The following FAF1 variants were observed in gnomAD, a reference collection of about 807,000 sequenced individuals.
FAF1 encodes the protein FAS-associated factor 1.
A neutral mutation model predicts 92.5 loss-of-function variants in FAF1; 25 were observed. The observed-to-expected ratio is 0.27, with a 90% CI of 0.20 to 0.38. FAF1 has a LOEUF of 0.38. Among genes scored for constraint, FAF1 ranks in the 10% least tolerant of loss-of-function variants. The pLI, the probability that FAF1 is intolerant of heterozygous loss-of-function variation, is 1.00. For synonymous variants in FAF1, 234 were observed against 273.2 expected (o/e 0.86, Z 1.42); for missense variants, 636 against 793.3 (o/e 0.80, Z 2.38).
Position 50,519,321 on chromosome 1 carries a change from T to A in FAF1, c.1494+16048A>T, listed in dbSNP as rs112494106. 5.7e-3 allele frequency among the ~76,000 whole-genome samples: 801 copies of A among 141,008 alleles called. 6 individuals are homozygous for A. The highest frequency in any genetic ancestry group is 8.1e-3 in the Non-Finnish European group (536 of 66,562). 92.5% of individuals were successfully genotyped at this position (141,008 alleles called of 152,430 possible). ...TCCAGCCTGGGTGACAGAGCGAGAC[T>A]GTCTCGAAAGAAAGAAAGGAAGGAA... On this transcript the variant is annotated intron_variant, in intron 15 of 18. Coordinates refer to ENST00000396153, the MANE Select transcript of FAF1 (RefSeq NM_007051.3).
At chr1:50,801,724 C>A in intron 2 of FAF1, 47 bp from the exon 3 acceptor site, 1 of 1,112,774 alleles carries the variant, frequency 9.0e-7, no homozygotes, top group Non-Finnish European at 1.4e-6. Flanking sequence ...CAGATAAATG[C>A]CCAAGTGTGG....
At chr1:50,594,166 T>C (rs1379477161) in intron 9 of FAF1, among the ~76,000 whole-genome samples, 1 of 150,996 alleles carries the variant, frequency 6.6e-6, no homozygotes, top group Non-Finnish European at 1.5e-5. Flanking sequence ...CACAAAAAAT[T>C]GAGCCGGGTG....
chr1:50,825,831 A>C (rs2124625911), intron 2 of FAF1, among the ~76,000 whole-genome samples: 1 of 152,310 alleles, frequency 6.6e-6, no homozygotes, highest in Non-Finnish European at 1.5e-5. Context: ...TTTCTAAACA[A>C]AGTGGAGTTA....
chr1:50,882,585 G>C (rs891098411), intron 1 of FAF1, among the ~76,000 whole-genome samples: 1 of 150,976 alleles, frequency 6.6e-6, no homozygotes, highest in African/African-American at 2.4e-5. Context: ...CTGGACAACA[G>C]AGCAAGACTC....
In FAF1 at chr1:50,801,066, C is replaced by T. The variant is rs74683556; in HGVS notation, c.161+565G>A. 9.9e-3 allele frequency among the ~76,000 whole-genome samples: 1,502 copies of T among 152,334 alleles called. 22 individuals carry two copies. Among genetic ancestry groups the T allele is most frequent in the African/African-American group, 0.034 (1,424 of 41,570 alleles). On this transcript the variant is annotated intron_variant, in intron 3 of 18. Transcript: ENST00000396153. ...GCAACTATTATAATTCTCTTGGCCA[C>T]ATCTTCCAGTTTTACCTTCTGGCCA...
intron 18 of FAF1, chr1:50,461,437 A>T (rs1646428359): frequency 6.6e-6 from 1 of 152,142 alleles, no homozygotes; most frequent in African/African-American, 2.4e-5. Flanking sequence ...GTCATTCTTC[A>T]TCTATCTATC....
At chr1:50,841,696 A>G (rs536174372) in intron 2 of FAF1, among the ~76,000 whole-genome samples, 1 of 152,194 alleles carries the variant, frequency 6.6e-6, no homozygotes, top group South Asian at 2.1e-4. Flanking sequence ...GAAGTAGCCA[A>G]TCTGTTAACA....
chr1:50,683,668 C>G (rs996495436), intron 7 of FAF1, among the ~76,000 whole-genome samples: 1 of 152,048 alleles, frequency 6.6e-6, no homozygotes, highest in Non-Finnish European at 1.5e-5. Flanking sequence ...TGCAGTGGCT[C>G]ATACCCATAA....
At chr1:50,889,692 T>C (rs927444367) in intron 1 of FAF1, among the ~76,000 whole-genome samples, 13 of 152,384 alleles carry the variant, frequency 8.5e-5, no homozygotes, top group Admixed American at 8.5e-4. Flanking sequence ...AGTTTCTTAA[T>C]CCTCATTTCT....
At chr1:50,677,895 C>CAA (rs1036524797) in intron 7 of FAF1, among the ~76,000 whole-genome samples, 9,667 of 61,716 alleles carry the variant, frequency 0.16, 435 homozygotes, top group African/African-American at 0.22. Flanking sequence ...AACTCTGCCT[C>CAA]AAAAAAAAAA....
chr1:50,547,729 C>T (rs573981463), intron 13 of FAF1, among the ~76,000 whole-genome samples: 1 of 152,132 alleles, frequency 6.6e-6, no homozygotes, highest in Non-Finnish European at 1.5e-5. Flanking sequence ...AATGTAATTT[C>T]TTAATCTTTC....
At chr1:50,607,545 T>C (rs1034431818) in intron 8 of FAF1, among the ~76,000 whole-genome samples, 2 of 152,198 alleles carry the variant, frequency 1.3e-5, no homozygotes, top group African/African-American at 4.8e-5. Context: ...TGCCTACTCT[T>C]AGGCTTCTGC....
intron 1 of FAF1, among the ~76,000 whole-genome samples, chr1:50,905,034 C>A (rs1644824865): frequency 1.3e-5 from 2 of 152,092 alleles, no homozygotes; most frequent in Admixed American, 1.3e-4. Flanking sequence ...TATCCCAACA[C>A]CAGCCCCCCA....
intron 3 of FAF1, among the ~76,000 whole-genome samples, chr1:50,793,105 C>T (rs970548830): frequency 2.0e-5 from 3 of 152,196 alleles, no homozygotes; most frequent in East Asian, 3.9e-4. Context: ...AGTAGAAACC[C>T]CAGACTTGGT....
intron 1 of FAF1, among the ~76,000 whole-genome samples, chr1:50,908,947 T>C (rs1386384415): frequency 6.6e-6 from 1 of 152,240 alleles, no homozygotes; most frequent in Non-Finnish European, 1.5e-5. Context: ...TCCTCATTAG[T>C]TGATGCAGTT....
intron 8 of FAF1, among the ~76,000 whole-genome samples, chr1:50,623,986 G>GAGGAAGAAGA (rs1301541438): frequency 6.6e-6 from 1 of 151,062 alleles, no homozygotes; most frequent in Non-Finnish European, 1.5e-5. Flanking sequence ...AGAGGAAGAA[G>GAGGAAGAAGA]AGGAAGAAGA....
At chr1:50,610,115 G>C (rs1163875023) in intron 8 of FAF1, among the ~76,000 whole-genome samples, 4 of 152,180 alleles carry the variant, frequency 2.6e-5, no homozygotes, top group Non-Finnish European at 5.9e-5. Flanking sequence ...AAAAAACATT[G>C]ATCAAATCTT....
intron 8 of FAF1, among the ~76,000 whole-genome samples, chr1:50,620,129 G>C (rs1055775216): frequency 1.3e-5 from 2 of 152,050 alleles, no homozygotes; most frequent in African/African-American, 4.8e-5. Context: ...GGTTGGTCTC[G>C]AACTCCTGAC....
intron 1 of FAF1, among the ~76,000 whole-genome samples, chr1:50,938,632 T>G (rs1294604482): frequency 6.6e-6 from 1 of 152,256 alleles, no homozygotes; most frequent in Non-Finnish European, 1.5e-5. Flanking sequence ...TTTGGGGACT[T>G]AACCAAAAAT....
Sources: allele counts gnomAD v4.1 joint callset (sites outside exome capture counted in the v4.1 genomes callset), GRCh38; gene constraint gnomAD v4.1.1; transcripts MANE v1.5; gene names NCBI Gene and HGNC (gene_info 2026-07-23, HGNC 2026-07-21).